RYR1: variants seen among roughly 807,000 people sequenced by gnomAD.
RYR1 encodes central core disease of muscle.
A neutral mutation model predicts 583.5 loss-of-function variants in RYR1; 342 were observed. The ratio of observed to expected loss-of-function variants is 0.59; its 90% CI spans 0.54 to 0.64. RYR1 has a LOEUF of 0.64. RYR1 is among the 30% of genes least tolerant of loss of function. The pLI, the probability that RYR1 is intolerant of heterozygous loss-of-function variation, is 0.00. For synonymous variants in RYR1, 2,791 were observed against 2,822.5 expected (o/e 0.99, Z 0.35); for missense variants, 6,032 against 6,917.2 (o/e 0.87, Z 4.54).
intron 29 of RYR1, among the ~76,000 whole-genome samples, chr19:38,475,682 A>G (rs1389398334): frequency 1.3e-5 from 2 of 152,236 alleles, no homozygotes; most frequent in Non-Finnish European, 2.9e-5. Flanking sequence ...TGTACAGCAC[A>G]CTGATATAAC....
rs201321695 is a variant in RYR1, at chr19:38,561,228, A to G, written c.12398A>G (p.Glu4133Gly). 80 of 1,614,150 alleles carry G rather than the reference A, an allele frequency of 5.0e-5. No individual in the cohort carries two copies. The highest frequency in any genetic ancestry group is 5.8e-5 in the Non-Finnish European group (69 of 1,180,034). ...GAAGAGTTCGCCAACCGCTTCCAGG[A>G]GCCAGCACGCGACATCGGCTTCAAC... ...NCEEFANRFQ[E>G]PARDIGFNVA... is the part of the protein sequence containing the mutation. The change falls in exon 90 of 106, where the codon GAG (glutamate) becomes GGG (glycine). Residue 4133 changes from glutamate to glycine, a missense_variant. Around this residue, in one of 11 missense-constraint regions of RYR1, gnomAD observed 753 missense variants for 759.6 expected, o/e 0.99. Transcript: ENST00000359596. The surrounding 1 kb of genome is among the most constrained non-coding windows in gnomAD (Gnocchi z 4.8).
At chr19:38,525,168 G>A (rs1971410543) in intron 70 of RYR1, among the ~76,000 whole-genome samples, 164 bp from the exon 71 acceptor site, 1 of 152,180 alleles carries the variant, frequency 6.6e-6, no homozygotes, top group Non-Finnish European at 1.5e-5. Context: ...TGGGCCTGAA[G>A]TGTAGAGTCA....
At chr19:38,452,591 C>T (rs1967133078) in intron 12 of RYR1, among the ~76,000 whole-genome samples, 1 of 151,894 alleles carries the variant, frequency 6.6e-6, no homozygotes, top group Admixed American at 6.6e-5. Context: ...ACCTCTCCAT[C>T]CCTGAGTTCC....
In RYR1 at chr19:38,475,382, C is replaced by T. The variant is rs587784376; in HGVS notation, c.4225C>T (p.Arg1409Ter). 22 of 1,613,580 alleles carry T rather than the reference C, an allele frequency of 1.4e-5. No homozygotes were observed. The highest frequency in any genetic ancestry group is 1.7e-5 in the Non-Finnish European group (20 of 1,179,862). The change falls in exon 29 of 106, where the codon CGA (arginine) becomes TGA (stop). Residue 1409 changes from arginine (R) to a stop codon, truncating the protein, a stop_gained. Coordinates refer to ENST00000359596, the MANE Select transcript of RYR1 (RefSeq NM_000540.3). LOFTEE classifies it high-confidence loss of function. ...TQPPATPTLP[R>*]LPHDVVPADN... ...GCCACCGGCCACCCCCACGCTGCCC[C>T]GACTCCCTCACGACGTGGTGCCTGC...
chr19:38,457,688 T>C (rs1263151282), intron 17 of RYR1, 58 bp downstream of exon 17: 1 of 1,555,630 alleles, frequency 6.4e-7, no homozygotes, highest in East Asian at 2.2e-5. Context: ...CTCCCTGACT[T>C]AGAGACTCCA....
In RYR1 at chr19:38,563,277, T is replaced by A. The variant is rs142568427; in HGVS notation, c.12625-1682T>A. Among the ~76,000 whole-genome samples the A allele has an allele frequency of 3.8e-4, 58 of 152,332 alleles. No individual in the cohort carries two copies. The South Asian group carries it at 8.1e-3, about 21-fold the overall frequency. On this transcript the variant is annotated intron_variant, in intron 90 of 105. Transcript: ENST00000359596. ...AATAGGTAACACTACGGTGTTGTTG[T>A]TGTTTGAGACAGAGTTTCGCTCTTG...
At chr19:38,474,611 G>A (rs1256925742) in intron 28 of RYR1, among the ~76,000 whole-genome samples, 22 of 109,628 alleles carry the variant, frequency 2.0e-4, no homozygotes, top group African/African-American at 6.9e-4. Flanking sequence ...GTCTTGCTCT[G>A]TTGCCCAGTC....
rs1051158725 is a variant in RYR1 at position 38,452,506 on chromosome 19, A to G, written c.1245-313A>G. Among the ~76,000 whole-genome samples the G allele has an allele frequency of 3.3e-4, 50 of 151,992 alleles. 1 individual carries two copies. Among genetic ancestry groups the G allele is most frequent in the Admixed American group, 2.8e-3 (43 of 15,254 alleles). On this transcript the variant is annotated intron_variant, in intron 12 of 105. Transcript: ENST00000359596. Reference sequence around the variant, plus strand: ...CTCTGTACACTTGACCCCTAATCTGACCTTGACAACCATGATCACATTCCT... The same window carrying G: ...CTCTGTACACTTGACCCCTAATCTGGCCTTGACAACCATGATCACATTCCT...
intron 26 of RYR1, 41 bp downstream of exon 26, chr19:38,469,181 CTCTG>C (rs1568465296): frequency 1.1e-5 from 18 of 1,612,830 alleles, no homozygotes; most frequent in Non-Finnish European, 1.4e-5. Context: ...TCTTGTTTTC[CTCTG>C]TCTCTCCCAA....
intron 1 of RYR1, among the ~76,000 whole-genome samples, chr19:38,440,164 T>C (rs1454332192): frequency 2.6e-5 from 4 of 152,194 alleles, no homozygotes; most frequent in Non-Finnish European, 5.9e-5. Context: ...CAACAGTTCA[T>C]GCCTGTAGTC....
intron 89 of RYR1, among the ~76,000 whole-genome samples, chr19:38,560,623 G>A (rs935965607): frequency 1.3e-5 from 2 of 150,614 alleles, no homozygotes; most frequent in Non-Finnish European, 3.0e-5. Flanking sequence ...CAGCTGCTCA[G>A]GAGGCTGAGG....
rs750700136 is a variant in RYR1 at position 38,443,621 on chromosome 19, C to T, written c.334C>T (p.His112Tyr). The part of the protein sequence containing the change: ...YGHAILLRHA[H>Y]SRMYLSCLTT... Reference sequence around the variant, plus strand: ...CCATGCCATCCTGCTCCGGCATGCACACAGCCGCATGGTGAGTGCAACCTC... The same window carrying T: ...CCATGCCATCCTGCTCCGGCATGCATACAGCCGCATGGTGAGTGCAACCTC... The change falls in exon 4 of 106, where the codon CAC becomes TAC. Residue 112 changes from histidine (H) to tyrosine (Y), a missense_variant. Physicochemically the swap from His to Tyr is moderately conservative, Grantham distance 83. This residue lies in a region of RYR1 where 338 missense variants were observed against 441.6 expected (regional missense o/e 0.77). Coordinates refer to ENST00000359596, the MANE Select transcript of RYR1 (RefSeq NM_000540.3). 1 of 1,614,134 alleles carries T rather than the reference C, an allele frequency of 6.2e-7. No individual in the cohort carries two copies. Among genetic ancestry groups the T allele is most frequent in the South Asian group, 1.1e-5 (1 of 91,084 alleles).
chr19:38,464,074 C>T (rs530128794), intron 22 of RYR1, among the ~76,000 whole-genome samples: 21 of 151,682 alleles, frequency 1.4e-4, no homozygotes, highest in Non-Finnish European at 2.2e-4. Flanking sequence ...GTCAGCAGTT[C>T]GAGACCAGTC....
chr19:38,521,819 G>A (rs1050324917), intron 67 of RYR1, among the ~76,000 whole-genome samples: 3 of 148,684 alleles, frequency 2.0e-5, no homozygotes, highest in African/African-American at 7.4e-5. Context: ...CCATTCTCCT[G>A]CCTCAGCCTC....
chr19:38,564,873 G>T (rs1052830031), intron 90 of RYR1, 86 bp from the exon 91 acceptor site: 82 of 1,528,538 alleles, frequency 5.4e-5, no homozygotes, highest in Non-Finnish European at 7.2e-5. Context: ...CTGCCGCGGT[G>T]ACCCCTTGTA....
At chr19:38,508,733 TA>T (rs1282392458) in intron 58 of RYR1, among the ~76,000 whole-genome samples, 1 of 151,944 alleles carries the variant, frequency 6.6e-6, no homozygotes, top group Admixed American at 6.6e-5. Flanking sequence ...GACGGTGAGA[TA>T]AACGAGGTCA....
intron 94 of RYR1, 91 bp downstream of exon 94, chr19:38,570,784 A>G (rs1321671842): frequency 1.8e-6 from 2 of 1,093,664 alleles, no homozygotes; most frequent in East Asian, 2.4e-5. Context: ...GGGTTCCTCC[A>G]CTGAAGGGAT....
At chr19:38,560,998 G>A (rs1388889941) in intron 89 of RYR1, 115 bp from the exon 90 acceptor site, 15 of 921,054 alleles carry the variant, frequency 1.6e-5, no homozygotes, top group Non-Finnish European at 2.3e-5. Flanking sequence ...CTGTGATTGC[G>A]CCACTGCACT....
At chr19:38,466,427 G>GACT in intron 24 of RYR1, 29 bp downstream of exon 24, 1 of 1,537,934 alleles carries the variant, frequency 6.5e-7, no homozygotes, top group Non-Finnish European at 8.7e-7. Context: ...CCCTGGCCCT[G>GACT]ACTCCTACCC....
Sources: gnomAD v4.1 joint callset for allele counts (sites outside exome capture counted in the v4.1 genomes callset) on GRCh38, gnomAD v4.1.1 for gene constraint, gnomAD v4.1.1 regional missense constraint, Gnocchi (gnomAD v3.1) non-coding constraint, MANE v1.5 for transcripts, NCBI Gene and HGNC (gene_info 2026-07-23, HGNC 2026-07-21) for gene names.